Variants in PCDHA3 observed in about 807,000 individuals in gnomAD.
PCDHA3 encodes protocadherin alpha 3, also known as protocadherin alpha-3.
A neutral mutation model predicts 62.2 loss-of-function variants in PCDHA3; 41 were observed. The observed-to-expected ratio is 0.66, with a 90% CI of 0.51 to 0.86. The LOEUF is 0.86. PCDHA3 is among the 40% of genes least tolerant of loss of function. PCDHA3 has a pLI of 0.00. For synonymous variants in PCDHA3, 640 were observed against 555.4 expected, an observed-to-expected ratio of 1.15 and a Z score of -2.14; for missense variants, 1,304 against 1,241.2, an observed-to-expected ratio of 1.05 and a Z score of -0.76.
At chr5:140,986,141 G>C (rs1473474920) in intron 3 of PCDHA3, among the ~76,000 whole-genome samples, 2 of 152,138 alleles carry the variant, frequency 1.3e-5, no homozygotes, top group African/African-American at 2.4e-5. Context: ...ATCAACAAGG[G>C]CATCACCAAG....
chr5:140,848,422 G>A lies in PCDHA3; in HGVS notation c.2394+44831G>A, dbSNP rs143939535. 1,502 of 1,425,074 alleles carry A rather than the reference G, an allele frequency of 1.1e-3. 85 individuals are homozygous for A. The African/African-American group carries it at 0.018, about 17-fold the overall frequency. 88.3% of individuals were successfully genotyped at this position (1,425,074 alleles called of 1,614,324 possible). ...AACGATGGCGAACACAGCAGAATGG[G>A]ACTGACGAAATCAGATGATTTCTTC... On this transcript the variant is annotated intron_variant, in intron 1 of 3. Transcript: ENST00000522353.
intron 1 of PCDHA3, among the ~76,000 whole-genome samples, chr5:140,920,419 T>C (rs1282192714): frequency 6.6e-6 from 1 of 152,232 alleles, no homozygotes. Flanking sequence ...GATACAGCTG[T>C]TCTCCCACAC....
At position 140,851,423 on chromosome 5, in the gene PCDHA3, A is replaced by T. The variant is rs967768563; in HGVS notation, c.2394+47832A>T. 1.1e-5 allele frequency: 10 copies of T among 949,488 alleles called. 1 individual carries two copies. Among genetic ancestry groups the T allele is most frequent in the Non-Finnish European group, 1.3e-5 (10 of 784,130 alleles). 58.8% of individuals were successfully genotyped at this position (949,488 alleles called of 1,614,324 possible). On this transcript the variant is annotated intron_variant, in intron 1 of 3. Coordinates refer to ENST00000522353, the MANE Select transcript of PCDHA3 (RefSeq NM_018906.3). ...TTAATAAGAAAGAAACTTCCCCTAA[A>T]CTTTAGAAAACAGTTGCTCCACTTT...
intron 1 of PCDHA3, among the ~76,000 whole-genome samples, chr5:140,913,140 G>T (rs1562991745): frequency 6.6e-6 from 1 of 152,068 alleles, no homozygotes; most frequent in African/African-American, 2.4e-5. Context: ...CTACTTTTTG[G>T]AATAGTTTGA....
At chr5:140,824,094 A>T in intron 1 of PCDHA3, 1 of 1,614,156 alleles carries the variant, frequency 6.2e-7, no homozygotes, top group Non-Finnish European at 8.5e-7. Context: ...CCTTCAGTCC[A>T]AGCCTTCCTC....
intron 1 of PCDHA3, chr5:140,876,963 G>A: frequency 6.2e-7 from 1 of 1,613,068 alleles, no homozygotes; most frequent in Middle Eastern, 1.8e-4. Flanking sequence ...TGGTGGAGCG[G>A]CGGGTGGGCG....
At chr5:140,868,986 C>T in intron 1 of PCDHA3, 1 of 1,503,326 alleles carries the variant, frequency 6.7e-7, no homozygotes. Flanking sequence ...TACCGGATGC[C>T]ACCGTTTAAG....
At chr5:140,883,018 G>A (rs1400637236) in intron 1 of PCDHA3, 4 of 1,614,086 alleles carry the variant, frequency 2.5e-6, no homozygotes, top group Admixed American at 1.7e-5. Flanking sequence ...ATAAAGTGAC[G>A]GTGTTAGAGA....
At chr5:140,907,519 C>A (rs1378450434) in intron 1 of PCDHA3, among the ~76,000 whole-genome samples, 3 of 152,184 alleles carry the variant, frequency 2.0e-5, no homozygotes, top group Non-Finnish European at 4.4e-5. Flanking sequence ...CCAGTGAGGA[C>A]AAATCGCTGC....
intron 1 of PCDHA3, chr5:140,871,350 C>T (rs782168219): frequency 5.6e-6 from 9 of 1,614,194 alleles, no homozygotes; most frequent in Non-Finnish European, 7.6e-6. Flanking sequence ...GCTGGTCATA[C>T]TCGCAGCAGA....
chr5:140,967,793 G>A (rs1447753881), intron 1 of PCDHA3: 24 of 1,614,080 alleles, frequency 1.5e-5, no homozygotes, highest in Non-Finnish European at 1.9e-5. Flanking sequence ...CCGGGGTCCA[G>A]TGCCCATGGC....
At chr5:140,873,210 A>G (rs1372631390) in intron 1 of PCDHA3, among the ~76,000 whole-genome samples, 2 of 152,208 alleles carry the variant, frequency 1.3e-5, no homozygotes, top group African/African-American at 4.8e-5. Flanking sequence ...TTCTTTAAGT[A>G]TTAAAGAGAA....
chr5:140,819,605 C>T (rs1261438222), intron 1 of PCDHA3, among the ~76,000 whole-genome samples: 1 of 152,002 alleles, frequency 6.6e-6, no homozygotes, highest in Non-Finnish European at 1.5e-5. Flanking sequence ...CCTGTGGAGT[C>T]TCCCATGAAA....
rs2096251750 is a variant in PCDHA3 at position 140,968,509 on chromosome 5, C to T, written c.2395-10440C>T. 3 of 1,614,162 alleles carry T rather than the reference C, an allele frequency of 1.9e-6. No individual in the cohort carries two copies. In the South Asian group the frequency reaches 3.3e-5, roughly 18 times the overall value. On this transcript the variant is annotated intron_variant, in intron 1 of 3. Coordinates refer to ENST00000522353, the MANE Select transcript of PCDHA3 (RefSeq NM_018906.3). Reference sequence around the variant, plus strand: ...ATGACCATGCCCCTCACATTCTGTACCCTACCTCAACCAACTCGTCAGCAG... The same window carrying T: ...ATGACCATGCCCCTCACATTCTGTATCCTACCTCAACCAACTCGTCAGCAG...
chr5:140,823,584 C>G, intron 1 of PCDHA3: 1 of 1,613,980 alleles, frequency 6.2e-7, no homozygotes, highest in Non-Finnish European at 8.5e-7. Flanking sequence ...CGGGCTACAA[C>G]GCTTGGCTTT....
At chr5:140,877,813 GAA>G in intron 1 of PCDHA3, 1 of 1,610,266 alleles carries the variant, frequency 6.2e-7, no homozygotes, top group Non-Finnish European at 8.5e-7. Flanking sequence ...GCTGTCTCGA[GAA>G]GATTGTTTAA....
chr5:140,969,201 G>A (rs2096306183), intron 1 of PCDHA3: 2 of 1,614,110 alleles, frequency 1.2e-6, no homozygotes, highest in Non-Finnish European at 1.7e-6. Context: ...TACAATACAG[G>A]GGCCCAGACA....
intron 1 of PCDHA3, chr5:140,927,345 C>G (rs1391320223): frequency 1.2e-6 from 2 of 1,614,012 alleles, no homozygotes. Context: ...CCCAAGATGA[C>G]GACGAGGGAA....
At chr5:140,923,116 T>C (rs1418111802) in intron 1 of PCDHA3, among the ~76,000 whole-genome samples, 1 of 152,216 alleles carries the variant, frequency 6.6e-6, no homozygotes, top group African/African-American at 2.4e-5. Flanking sequence ...TTTAAGTTTT[T>C]AGGGTCACAC....
Sources: allele counts gnomAD v4.1 joint callset (sites outside exome capture counted in the v4.1 genomes callset), GRCh38; gene constraint gnomAD v4.1.1; transcripts MANE v1.5; gene names NCBI Gene and HGNC (gene_info 2026-07-23, HGNC 2026-07-21).